Variants in USP26 observed in about 807,000 individuals in gnomAD.
The protein encoded by USP26 is ubiquitin carboxyl-terminal hydrolase 26.
For missense variants in USP26, 649 were observed against 642.3 expected (o/e 1.01, Z -0.11); for synonymous variants, 236 against 240.6 (o/e 0.98, Z 0.18).
intron 5 of USP26, among the ~76,000 whole-genome samples, chrX:133,038,406 G>A (rs189381596): frequency 1.6e-3 from 174 of 111,776 alleles, no homozygotes; most frequent in African/African-American, 5.3e-3. Flanking sequence ...GGCCTTTTCC[G>A]CATCCATTGA....
chrX:133,070,267 T>C (rs779167800), intron 5 of USP26, among the ~76,000 whole-genome samples: 15 of 112,098 alleles, frequency 1.3e-4, no homozygotes, highest in Non-Finnish European at 2.4e-4. Flanking sequence ...AAGACATTTA[T>C]ATTTTTTTAA....
At chrX:133,055,919 T>C (rs751775987) in intron 5 of USP26, among the ~76,000 whole-genome samples, 6 of 111,870 alleles carry the variant, frequency 5.4e-5, no homozygotes, top group Non-Finnish European at 7.5e-5. Flanking sequence ...AAAAGCTTTA[T>C]CTCCAAATAC....
At chrX:133,075,095 C>G (rs1359154556) in intron 5 of USP26, among the ~76,000 whole-genome samples, 1 of 111,357 alleles carries the variant, frequency 9.0e-6, no homozygotes. Context: ...CACTTTTATA[C>G]CCTTACCACA....
At chrX:133,052,801 C>T (rs1476843211) in intron 5 of USP26, among the ~76,000 whole-genome samples, 1 of 111,256 alleles carries the variant, frequency 9.0e-6, no homozygotes, top group East Asian at 2.8e-4. Context: ...AACAGGGCAT[C>T]CAAGCCATGT....
chrX:133,079,302 T>A (rs1325701323), intron 5 of USP26, among the ~76,000 whole-genome samples: 1 of 111,794 alleles, frequency 8.9e-6, no homozygotes, highest in Non-Finnish European at 1.9e-5. Flanking sequence ...GGACCCAGAA[T>A]TAACAATACT....
At chrX:133,047,088 C>T (rs1334158174) in intron 5 of USP26, among the ~76,000 whole-genome samples, 2 of 111,985 alleles carry the variant, frequency 1.8e-5, no homozygotes, top group Non-Finnish European at 3.8e-5. Context: ...AATGACTCTG[C>T]TTTCATTTTT....
intron 5 of USP26, among the ~76,000 whole-genome samples, chrX:133,042,651 C>A (rs994700163): frequency 8.9e-6 from 1 of 111,967 alleles, no homozygotes; most frequent in African/African-American, 3.2e-5. Flanking sequence ...GCCATCTTGG[C>A]CCCTCCTCCA....
intron 5 of USP26, among the ~76,000 whole-genome samples, chrX:133,032,344 T>C (rs1397653714): frequency 1.8e-5 from 2 of 111,222 alleles, no homozygotes; most frequent in Non-Finnish European, 3.8e-5. Flanking sequence ...AACAAATACC[T>C]AAATGTAGGG....
intron 5 of USP26, among the ~76,000 whole-genome samples, chrX:133,076,508 T>A (rs1266142181): frequency 9.0e-6 from 1 of 111,493 alleles, no homozygotes; most frequent in Admixed American, 9.5e-5. Flanking sequence ...TTGTGCAATC[T>A]CCTCCCCTTG....
intron 5 of USP26, among the ~76,000 whole-genome samples, chrX:133,051,098 C>T (rs1031647247): frequency 9.0e-6 from 1 of 111,080 alleles, no homozygotes; most frequent in African/African-American, 3.3e-5. Flanking sequence ...GACCCAAACC[C>T]CCATGCACAG....
rs1569509362 is a variant in USP26, at chrX:133,026,831, G to C, written c.1390C>G (p.Leu464Val). Residue 464 changes from leucine to valine, a missense_variant, in exon 6 of 6, where the codon CTC becomes GTC. Leu to Val is a conservative substitution (Grantham distance 32). Coordinates refer to ENST00000511190, the MANE Select transcript of USP26 (RefSeq NM_031907.3). ...VILKTELNNY[L>V]SINLPQRIKA... ...ATTCTTTGGGGAAGGTTGATGGAGA[G>C]GTAATTATTCAGTTCTGTCTTGAGA... 8.3e-7 allele frequency: 1 copy of C among 1,210,941 alleles called. No individual in the cohort carries two copies. The highest frequency in any genetic ancestry group is 3.0e-5 in the East Asian group (1 of 33,800).
chrX:133,072,663 C>T (rs1430054316), intron 5 of USP26, among the ~76,000 whole-genome samples: 1 of 112,533 alleles, frequency 8.9e-6, no homozygotes, highest in Non-Finnish European at 1.9e-5. Context: ...AATTTTGGTC[C>T]TTATAAGCTC....
chrX:133,094,410 C>CT (rs150988266), intron 1 of USP26, among the ~76,000 whole-genome samples: 1,594 of 100,391 alleles, frequency 0.016, 9 homozygotes, highest in African/African-American at 0.034. Context: ...AAATAGAAAC[C>CT]TTTTTTTTTT....
At chrX:133,056,984 T>G (rs1307087437) in intron 5 of USP26, among the ~76,000 whole-genome samples, 1 of 111,857 alleles carries the variant, frequency 8.9e-6, no homozygotes, top group East Asian at 2.8e-4. Flanking sequence ...AACAAGATCT[T>G]TTATGAGTCA....
At chrX:133,064,460 A>G (rs1195098600) in intron 5 of USP26, among the ~76,000 whole-genome samples, 5 of 111,264 alleles carry the variant, frequency 4.5e-5, no homozygotes, top group Non-Finnish European at 7.6e-5. Context: ...TTATTCTAAA[A>G]TCGACCACAT....
At chrX:133,066,610 C>A (rs1311139375) in intron 5 of USP26, among the ~76,000 whole-genome samples, 1 of 111,883 alleles carries the variant, frequency 8.9e-6, no homozygotes, top group Non-Finnish European at 1.9e-5. Context: ...CTGACAAAAA[C>A]AAGCAATGGG....
At chrX:133,046,753 C>T (rs759444021) in intron 5 of USP26, among the ~76,000 whole-genome samples, 1 of 112,152 alleles carries the variant, frequency 8.9e-6, no homozygotes, top group South Asian at 3.7e-4. Flanking sequence ...CACTGTTTGA[C>T]AAAAACAGGG....
chrX:133,087,720 T>G (rs1270352505), intron 4 of USP26, among the ~76,000 whole-genome samples: 1 of 112,283 alleles, frequency 8.9e-6, no homozygotes, highest in East Asian at 2.8e-4. Flanking sequence ...CATGAAGTAT[T>G]AAGAAAAATA....
chrX:133,087,840 T>C (rs1413364844), intron 4 of USP26, among the ~76,000 whole-genome samples: 1 of 111,348 alleles, frequency 9.0e-6, no homozygotes, highest in Non-Finnish European at 1.9e-5. Flanking sequence ...AACATGAGTG[T>C]GGAGAGAGGA....
Sources: gnomAD v4.1 joint callset for allele counts (sites outside exome capture counted in the v4.1 genomes callset) on GRCh38, gnomAD v4.1.1 for gene constraint, MANE v1.5 for transcripts, NCBI Gene and HGNC (gene_info 2026-07-23, HGNC 2026-07-21) for gene names.